SCYL2: variants seen among roughly 807,000 people sequenced by gnomAD.
SCYL2 encodes the protein SCY1 like pseudokinase 2.
A neutral mutation model predicts 100.4 loss-of-function variants in SCYL2; 36 were observed. The ratio of observed to expected loss-of-function variants is 0.36; its 90% CI spans 0.27 to 0.47. The LOEUF is 0.47. SCYL2 is among the 20% of genes least tolerant of loss of function. SCYL2 has a pLI of 1.00. For synonymous variants in SCYL2, 330 were observed against 359.2 expected (o/e 0.92, Z 0.92); for missense variants, 902 against 1,083.9 (o/e 0.83, Z 2.36).
At chr12:100,327,230 AAGT>A in intron 12 of SCYL2, 1 of 363,796 alleles carries the variant, frequency 2.7e-6, no homozygotes, top group Non-Finnish European at 5.5e-6. Context: ...AAGATCATAT[AAGT>A]GGTAAGTGAT....
intron 2 of SCYL2, among the ~76,000 whole-genome samples, chr12:100,285,812 CT>C (rs1233898898): frequency 6.6e-6 from 1 of 151,958 alleles, no homozygotes; most frequent in Non-Finnish European, 1.5e-5. Flanking sequence ...TTGTTATGTT[CT>C]TTGTTGTAAA....
At chr12:100,295,569 C>G (rs937902012) in intron 3 of SCYL2, among the ~76,000 whole-genome samples, 48 of 151,098 alleles carry the variant, frequency 3.2e-4, no homozygotes, top group African/African-American at 9.3e-4. Flanking sequence ...CGTGGCAGCG[C>G]GTGCCTGCAA....
At chr12:100,305,099 A>G (rs2096332676) in intron 4 of SCYL2, among the ~76,000 whole-genome samples, 1 of 152,210 alleles carries the variant, frequency 6.6e-6, no homozygotes, top group Non-Finnish European at 1.5e-5. Flanking sequence ...GATCAACGAG[A>G]CAGAAAATTA....
chr12:100,304,917 A>G (rs2096332405), intron 4 of SCYL2, among the ~76,000 whole-genome samples: 1 of 152,226 alleles, frequency 6.6e-6, no homozygotes, highest in East Asian at 1.9e-4. Flanking sequence ...AGGGCACTAC[A>G]TAATGGTACA....
Position 100,329,317 on chromosome 12 carries a change from C to T in SCYL2, c.1759C>T (p.Gln587Ter). The T allele has an allele frequency of 7.0e-7, 1 of 1,438,170 alleles. No individual in the cohort carries two copies. Among genetic ancestry groups the T allele is most frequent in the Admixed American group, 1.7e-5 (1 of 59,682 alleles). 89.1% of individuals were successfully genotyped at this position (1,438,170 alleles called of 1,614,324 possible). The change falls in exon 13 of 18, where the codon CAG becomes TAG. Residue 587 changes from glutamine to a stop codon, truncating the protein, a stop_gained and splice_region_variant. Transcript: ENST00000360820. LOFTEE classifies it high-confidence loss of function. ...TATTGAAAACAATCTTAATCTTAAT[C>T]AGGTAGGAGTATTTTTGTGCTTTAT... ...LSIENNLNLN[Q>*]FNSFISVIKE... is the part of the protein sequence containing the mutation.
chr12:100,313,308 A>G (rs2096344465), intron 6 of SCYL2, 114 bp from the exon 7 acceptor site: 1 of 482,070 alleles, frequency 2.1e-6, no homozygotes. Context: ...TGTGTTTAAA[A>G]TGTAGTCAGT....
At chr12:100,281,034 T>TTG (rs1566343843) in intron 1 of SCYL2, among the ~76,000 whole-genome samples, 2 of 135,580 alleles carry the variant, frequency 1.5e-5, no homozygotes, top group African/African-American at 5.6e-5. Context: ...TTTTTTTTTT[T>TTG]TTTTTTTTTT....
chr12:100,338,766 A>T lies in SCYL2; in HGVS notation c.2384A>T (p.Tyr795Phe). Reference protein sequence around the residue: ...NMPVNTNQNFYSSPSTVGVTK... With the variant: ...NMPVNTNQNFFSSPSTVGVTK... ...CCCGTTAATACAAACCAGAACTTCT[A>T]CAGTAGTCCAAGCACAGTTGGAGTG... The change falls in exon 18 of 18, where the codon TAC becomes TTC. Residue 795 changes from tyrosine (Y) to phenylalanine (F), a missense_variant. Physicochemically the swap from Tyr to Phe is conservative, Grantham distance 22. Coordinates refer to ENST00000360820, the MANE Select transcript of SCYL2 (RefSeq NM_017988.6). 6.2e-7 allele frequency: 1 copy of T among 1,614,170 alleles called. No individual in the cohort carries two copies. The highest frequency in any genetic ancestry group is 1.1e-5 in the South Asian group (1 of 91,092).
intron 17 of SCYL2, 68 bp from the exon 18 acceptor site, chr12:100,338,460 C>T: frequency 7.7e-7 from 1 of 1,294,030 alleles, no homozygotes; most frequent in Non-Finnish European, 1.1e-6. Flanking sequence ...TTTAATCTGT[C>T]AAATGTTTAC....
At chr12:100,279,872 G>A (rs1187495727) in intron 1 of SCYL2, among the ~76,000 whole-genome samples, 3 of 152,218 alleles carry the variant, frequency 2.0e-5, no homozygotes, top group Non-Finnish European at 4.4e-5. Context: ...GCATGTGTGG[G>A]ACCAGGGAAC....
chr12:100,328,749 A>T (rs1000396706), intron 12 of SCYL2, among the ~76,000 whole-genome samples: 1 of 152,254 alleles, frequency 6.6e-6, no homozygotes, highest in Non-Finnish European at 1.5e-5. Flanking sequence ...AATTTCAAAC[A>T]TGTTGAGTTT....
intron 2 of SCYL2, among the ~76,000 whole-genome samples, chr12:100,286,683 G>A (rs1389662344): frequency 6.6e-6 from 1 of 151,974 alleles, no homozygotes; most frequent in East Asian, 1.9e-4. Flanking sequence ...TGGGTTGGAC[G>A]TAATCCCTTC....
intron 12 of SCYL2, chr12:100,327,352 A>G (rs532405424): frequency 1.3e-5 from 2 of 159,438 alleles, no homozygotes; most frequent in Non-Finnish European, 2.8e-5. Flanking sequence ...TCTCAGCATA[A>G]TTACAAATTA....
At chr12:100,296,402 A>G (rs911074997) in intron 3 of SCYL2, among the ~76,000 whole-genome samples, 1 of 152,312 alleles carries the variant, frequency 6.6e-6, no homozygotes, top group South Asian at 2.1e-4. Flanking sequence ...AAAACCTAAA[A>G]AAAAGTGAGT....
At chr12:100,337,564 G>T in intron 17 of SCYL2, 58 bp downstream of exon 17, 5 of 1,494,696 alleles carry the variant, frequency 3.3e-6, no homozygotes, top group Non-Finnish European at 4.6e-6. Flanking sequence ...GAGTAAGGTG[G>T]TATAGAACTT....
Position 100,314,903 on chromosome 12 carries a change from C to G in SCYL2, c.1095+289C>G, listed in dbSNP as rs547555103. On this transcript the variant is annotated intron_variant, in intron 8 of 17. Transcript: ENST00000360820. ...CTATCATGTGGAGTTCATTGTCTCACCAGCAGTTAAAGGGGTACTTCTGTT... is the reference window on the plus strand; with the variant it reads ...CTATCATGTGGAGTTCATTGTCTCAGCAGCAGTTAAAGGGGTACTTCTGTT... Among the ~76,000 whole-genome samples the G allele has an allele frequency of 4.6e-5, 7 of 152,290 alleles. No homozygotes were observed. The South Asian group carries it at 1.4e-3, about 32-fold the overall frequency.
At chr12:100,294,377 G>A (rs113158298) in intron 3 of SCYL2, among the ~76,000 whole-genome samples, 11 of 96,824 alleles carry the variant, frequency 1.1e-4, no homozygotes, top group Admixed American at 3.8e-4. Flanking sequence ...CTGGCCGGGC[G>A]GGGGGCTGAC....
chr12:100,274,724 A>T (rs1307349686), intron 1 of SCYL2, among the ~76,000 whole-genome samples: 2 of 152,246 alleles, frequency 1.3e-5, no homozygotes, highest in East Asian at 3.8e-4. Context: ...ATTGTGAACA[A>T]AGAAGTGGTT....
At chr12:100,319,318 A>G (rs1291377484) in intron 10 of SCYL2, 14 of 453,240 alleles carry the variant, frequency 3.1e-5, no homozygotes, top group Non-Finnish European at 5.3e-5. Flanking sequence ...AGTTCTTTTT[A>G]AAGAAATTGT....
Sources: gnomAD v4.1 joint callset for allele counts (sites outside exome capture counted in the v4.1 genomes callset) on GRCh38, gnomAD v4.1.1 for gene constraint, MANE v1.5 for transcripts, NCBI Gene and HGNC (gene_info 2026-07-23, HGNC 2026-07-21) for gene names.